The following PCSK5 variants were observed in gnomAD, a reference collection of about 807,000 sequenced individuals.
PCSK5 encodes the protein prohormone convertase 5.
Under a neutral mutation model 233.2 loss-of-function variants are expected in PCSK5, and 129 were observed. The observed-to-expected ratio is 0.55, with a 90% CI of 0.48 to 0.64. PCSK5 has a LOEUF of 0.64. Ranked by LOEUF, PCSK5 falls within the 30% of genes least tolerant of loss-of-function variation. PCSK5 has a pLI of 0.00. For missense variants in PCSK5, 2,076 were observed against 2,430.1 expected (o/e 0.85, Z 3.06); for synonymous variants, 825 against 879.2 (o/e 0.94, Z 1.09).
intron 5 of PCSK5, among the ~76,000 whole-genome samples, chr9:76,031,418 G>T (rs1156284576): frequency 6.6e-6 from 1 of 152,184 alleles, no homozygotes; most frequent in Non-Finnish European, 1.5e-5. Flanking sequence ...GCTGGGCACA[G>T]TGACTCACAC....
At chr9:76,260,485 C>T (rs990743438) in intron 24 of PCSK5, among the ~76,000 whole-genome samples, 3 of 152,156 alleles carry the variant, frequency 2.0e-5, no homozygotes, top group African/African-American at 7.2e-5. Context: ...GGAGAGAAAC[C>T]ATCACTGATA....
chr9:75,915,786 A>C (rs1023930676), intron 1 of PCSK5, among the ~76,000 whole-genome samples: 1 of 152,214 alleles, frequency 6.6e-6, no homozygotes, highest in African/African-American at 2.4e-5. Flanking sequence ...GTAACTACAA[A>C]AATCTAGAAA....
chr9:76,134,039 G>C (rs1822870705), intron 9 of PCSK5, 70 bp from the exon 10 acceptor site: 2 of 1,034,024 alleles, frequency 1.9e-6, no homozygotes, highest in African/African-American at 3.5e-5. Context: ...TTTTTAATTT[G>C]CTTGTGACTC....
At chr9:76,332,784 G>A (rs1208235775) in intron 34 of PCSK5, among the ~76,000 whole-genome samples, 174 bp downstream of exon 34, 2 of 152,206 alleles carry the variant, frequency 1.3e-5, no homozygotes, top group East Asian at 1.9e-4. Context: ...AACAGGAGAG[G>A]CAGAGTGACC....
At chr9:76,358,287 C>G (rs961580191) in intron 37 of PCSK5, among the ~76,000 whole-genome samples, 1 of 152,102 alleles carries the variant, frequency 6.6e-6, no homozygotes, top group African/African-American at 2.4e-5. Context: ...GGGAGGATCT[C>G]TTGAGCCCAA....
In PCSK5 at chr9:76,175,136, TG is replaced by T; in HGVS notation, c.1900+9del. 1 of 1,613,098 alleles carries T rather than the reference TG, an allele frequency of 6.2e-7. No individual in the cohort carries two copies. Among genetic ancestry groups the T allele is most frequent in the Non-Finnish European group, 8.5e-7 (1 of 1,179,730 alleles). ...GGCACAGAGGATTATGCAGGTGAGC[TG>T]GCTTCCAGTGGGACACAGGCTAAAA... On this transcript the variant is annotated splice_region_variant and intron_variant, in intron 14 of 37. Coordinates refer to ENST00000674117, the MANE Select transcript of PCSK5 (RefSeq NM_001372043.1).
intron 3 of PCSK5, among the ~76,000 whole-genome samples, chr9:76,018,039 A>G (rs1323319883): frequency 2.1e-5 from 3 of 141,716 alleles, no homozygotes; most frequent in Admixed American, 2.1e-4. Context: ...GAGTGAAACT[A>G]TTGTCTGAAA....
At chr9:76,085,187 TGTG>T (rs1256807367) in intron 7 of PCSK5, among the ~76,000 whole-genome samples, 1 of 152,228 alleles carries the variant, frequency 6.6e-6, no homozygotes, top group Non-Finnish European at 1.5e-5. Flanking sequence ...GTAGCTGAAT[TGTG>T]GTCACCAAAG....
intron 10 of PCSK5, among the ~76,000 whole-genome samples, chr9:76,139,611 A>G (rs1389485232): frequency 1.3e-5 from 2 of 152,068 alleles, no homozygotes; most frequent in African/African-American, 4.8e-5. Flanking sequence ...TCCACCTAAT[A>G]AAATGTGCCC....
At chr9:76,120,125 A>T (rs1832577196) in intron 9 of PCSK5, among the ~76,000 whole-genome samples, 1 of 152,082 alleles carries the variant, frequency 6.6e-6, no homozygotes, top group Admixed American at 6.6e-5. Context: ...CAGTATGAGG[A>T]TGTAAATTGA....
chr9:76,326,415 G>T (rs535073306), intron 32 of PCSK5, among the ~76,000 whole-genome samples: 165 of 152,022 alleles, frequency 1.1e-3, no homozygotes, highest in African/African-American at 3.9e-3. Context: ...CTGTAAGCAG[G>T]ATCTTCTCTA....
chr9:76,299,848 G>T (rs1828552120), intron 27 of PCSK5, among the ~76,000 whole-genome samples: 1 of 152,174 alleles, frequency 6.6e-6, no homozygotes, highest in Non-Finnish European at 1.5e-5. Flanking sequence ...TTTTGGGAAT[G>T]GAAGCACTTT....
chr9:76,169,343 CG>C, intron 12 of PCSK5, among the ~76,000 whole-genome samples: 1 of 152,146 alleles, frequency 6.6e-6, no homozygotes, highest in South Asian at 2.1e-4. Context: ...TCCAGAGCCT[CG>C]TATCATTTTG....
Position 75,924,129 on chromosome 9 carries a change from TCAG to T in PCSK5, c.193-8248_193-8246del, listed in dbSNP as rs1030303033. ...GTAGACATTTGGTGGGGAGCACTAA[TCAG>T]CCGACCACATACCTGCATTTCATAG... On this transcript the variant is annotated intron_variant, in intron 1 of 37. Coordinates refer to ENST00000674117, the MANE Select transcript of PCSK5 (RefSeq NM_001372043.1). Among the ~76,000 whole-genome samples, 3 of 152,118 alleles carry T rather than the reference TCAG, an allele frequency of 2.0e-5. No individual in the cohort carries two copies. In the East Asian group the frequency reaches 5.8e-4, roughly 29 times the overall value.
intron 37 of PCSK5, among the ~76,000 whole-genome samples, chr9:76,357,896 G>A (rs1830341683): frequency 6.6e-6 from 1 of 152,184 alleles, no homozygotes; most frequent in Admixed American, 6.5e-5. Context: ...GGACAGTCAT[G>A]TTGGCCCAGA....
intron 2 of PCSK5, among the ~76,000 whole-genome samples, chr9:75,980,889 A>T (rs1826247774): frequency 7.1e-6 from 1 of 140,996 alleles, no homozygotes; most frequent in African/African-American, 2.6e-5. Context: ...CTCGCTTTCC[A>T]TAGCAAAAAC....
At chr9:76,026,840 G>C (rs556663206) in intron 4 of PCSK5, 121 bp from the exon 5 acceptor site, 3 of 637,794 alleles carry the variant, frequency 4.7e-6, no homozygotes, top group South Asian at 4.1e-5. Context: ...TGAGGTGAGC[G>C]TATTAGTTAA....
intron 10 of PCSK5, among the ~76,000 whole-genome samples, chr9:76,155,379 T>C (rs1464745326): frequency 6.6e-6 from 1 of 152,226 alleles, no homozygotes; most frequent in Non-Finnish European, 1.5e-5. Context: ...TAGCACAGTG[T>C]TCGTTTTTAT....
chr9:76,064,808 C>G (rs6560495), intron 5 of PCSK5, among the ~76,000 whole-genome samples: 1 of 144,342 alleles, frequency 6.9e-6, no homozygotes, highest in East Asian at 2.2e-4. Context: ...ACATCTCAGA[C>G]GATGGGCGGC....
Sources: allele counts gnomAD v4.1 joint callset (sites outside exome capture counted in the v4.1 genomes callset), GRCh38; gene constraint gnomAD v4.1.1; transcripts MANE v1.5; gene names NCBI Gene and HGNC (gene_info 2026-07-23, HGNC 2026-07-21).